The following BSX variants were observed in gnomAD, a reference collection of about 807,000 sequenced individuals.
BSX encodes brain specific homeobox, also known as brain-specific homeobox protein homolog.
Under a neutral mutation model 16.9 loss-of-function variants are expected in BSX, and 12 were observed. That is an observed-to-expected ratio of 0.71 (90% CI 0.46 to 1.15). The LOEUF (loss-of-function observed/expected upper bound fraction) is 1.15. BSX is among the 50% of genes most tolerant of loss of function. BSX has a pLI of 0.00. For synonymous variants in BSX, 160 were observed against 136.4 expected (o/e 1.17, Z -1.20); for missense variants, 292 against 311.8 (o/e 0.94, Z 0.48).
Position 122,981,697 on chromosome 11 carries a change from C to A in BSX, c.-26G>T. On this transcript the variant is annotated 5_prime_UTR_variant, in exon 1 of 3. Coordinates refer to ENST00000343035, the MANE Select transcript of BSX (RefSeq NM_001098169.2). ...CTTGAGCGGAGCACCTGCCACAGGA[C>A]AAGGGCCGGGACGAAGTGGAGGACG... 1 of 1,566,592 alleles carries A rather than the reference C, an allele frequency of 6.4e-7. No individual in the cohort carries two copies. The highest frequency in any genetic ancestry group is 8.6e-7 in the Non-Finnish European group (1 of 1,157,894).
chr11:122,981,692 C>T lies in BSX; in HGVS notation c.-21G>A. The T allele has an allele frequency of 6.4e-7, 1 of 1,572,404 alleles. No homozygotes were observed. The highest frequency in any genetic ancestry group is 8.6e-7 in the Non-Finnish European group (1 of 1,161,112). On this transcript the variant is annotated 5_prime_UTR_variant, in exon 1 of 3. The change creates a new upstream start codon in the 5' untranslated region. Transcript: ENST00000343035. ...TTCATCTTGAGCGGAGCACCTGCCA[C>T]AGGACAAGGGCCGGGACGAAGTGGA...
rs184325976 is a variant in BSX, at chr11:122,980,703, C to T, written c.262+707G>A. 9.8e-5 allele frequency among the ~76,000 whole-genome samples: 15 copies of T among 152,320 alleles called. No individual in the cohort carries two copies. In the East Asian group the frequency reaches 2.5e-3, roughly 25 times the overall value. ...CCCAAACAGACTTTGCTAGCCCTTG[C>T]TTTTTGTCAGACCAGAGAAATCAAA... On this transcript the variant is annotated intron_variant, in intron 1 of 2. Transcript: ENST00000343035.
chr11:122,977,607 G>T lies in BSX; in HGVS notation c.*42C>A, dbSNP rs1451199431. The T allele has an allele frequency of 2.5e-6, 4 of 1,571,324 alleles. No individual in the cohort carries two copies. Among genetic ancestry groups the T allele is most frequent in the South Asian group, 1.2e-5 (1 of 86,766 alleles). ...CCAGGAGGGAACCGCGCTCGGCCCC[G>T]CAGTCTCCTCCCCTGCCTACTACCC... On this transcript the variant is annotated 3_prime_UTR_variant, in exon 3 of 3. Coordinates refer to ENST00000343035, the MANE Select transcript of BSX (RefSeq NM_001098169.2). The surrounding 1 kb of genome is among the most constrained non-coding windows in gnomAD (Gnocchi z 4.5).
At chr11:122,980,195 G>A (rs1295584354) in intron 1 of BSX, among the ~76,000 whole-genome samples, 1 of 152,114 alleles carries the variant, frequency 6.6e-6, no homozygotes, top group Non-Finnish European at 1.5e-5. Flanking sequence ...GGGTTTGAGG[G>A]GTTTTTCCAT....
At position 122,978,804 on chromosome 11, in the gene BSX, T is replaced by C. The variant is rs144811580; in HGVS notation, c.459+457A>G. ...TTTTTCTTTTTCTTTTCTTTTTTTT[T>C]TTTTTTTTTTTTTTTTTTTGAGACG... On this transcript the variant is annotated intron_variant, in intron 2 of 2. Transcript: ENST00000343035. Among the ~76,000 whole-genome samples the C allele has an allele frequency of 2.0e-3, 240 of 121,670 alleles. 4 individuals are homozygous for C. Among genetic ancestry groups the C allele is most frequent in the Middle Eastern group, 4.0e-3 (1 of 250 alleles). 79.8% of individuals were successfully genotyped at this position (121,670 alleles called of 152,430 possible).
chr11:122,978,795 C>CTTTTT (rs35567142), intron 2 of BSX, among the ~76,000 whole-genome samples: 408 of 64,798 alleles, frequency 6.3e-3, no homozygotes, highest in East Asian at 0.014. Context: ...TTTTTCTTTT[C>CTTTTT]TTTTTTTTTT....
At position 122,981,466 on chromosome 11, in the gene BSX, G is replaced by A. The variant is rs1012698643; in HGVS notation, c.206C>T (p.Ala69Val). 3.8e-6 allele frequency: 6 copies of A among 1,574,878 alleles called. No individual in the cohort carries two copies. Among genetic ancestry groups the A allele is most frequent in the Non-Finnish European group, 5.2e-6 (6 of 1,159,674 alleles). Reference sequence around the variant, plus strand: ...GTCTCCCTTATGCAGAGGGTGATGGGCGTGAGGAGCCAAGAGGGTGGGTGT... The same window carrying A: ...GTCTCCCTTATGCAGAGGGTGATGGACGTGAGGAGCCAAGAGGGTGGGTGT... ...MPTPTLLAPH[A>V]HHPLHKGDHH... The change falls in exon 1 of 3, where the codon GCC becomes GTC. Residue 69 changes from alanine (A) to valine (V), a missense_variant. Physicochemically the swap from Ala to Val is moderately conservative, Grantham distance 64. Around this residue, in one of 3 missense-constraint regions of BSX, gnomAD observed 176 missense variants for 187.2 expected, o/e 0.94. Transcript: ENST00000343035.
In BSX at chr11:122,977,842, C is replaced by A. The variant is rs770672530; in HGVS notation, c.509G>T (p.Arg170Leu). 5.6e-6 allele frequency: 9 copies of A among 1,613,936 alleles called. No individual in the cohort carries two copies. In the South Asian group the frequency reaches 7.7e-5, roughly 14 times the overall value. Reference protein sequence around the residue: ...NRRMKHKKQLRKSQDEPKAPD... With the variant: ...NRRMKHKKQLLKSQDEPKAPD... The stretch of plus-strand genomic sequence containing the variant: ...TGCTTTGGGTTCGTCTTGGCTTTTC[C>A]GCAGTTGCTTTTTATGCTTCATCCG... Residue 170 changes from arginine to leucine, a missense_variant, in exon 3 of 3, where the codon CGG (arginine) becomes CTG (leucine). Arg to Leu is a moderately radical substitution (Grantham distance 102). Around this residue, in one of 3 missense-constraint regions of BSX, gnomAD observed 107 missense variants for 97.1 expected, o/e 1.10. Transcript: ENST00000343035. This position sits in a 1 kb window ranked among gnomAD's most constrained non-coding sequence, Gnocchi z 4.5.
Position 122,981,823 on chromosome 11 carries a change from A to C in BSX, c.-152T>G. 4 of 758,586 alleles carry C rather than the reference A, an allele frequency of 5.3e-6. No homozygotes were observed. The highest frequency in any genetic ancestry group is 8.2e-6 in the Non-Finnish European group (4 of 489,610). 47.0% of individuals were successfully genotyped at this position (758,586 alleles called of 1,614,324 possible). ...GCCTGGGCTACCCCGGGCGCTGGAGAGGCAAGAAGACAAGCTCCTGGGTAG... is the reference window on the plus strand; with the variant it reads ...GCCTGGGCTACCCCGGGCGCTGGAGCGGCAAGAAGACAAGCTCCTGGGTAG... On this transcript the variant is annotated 5_prime_UTR_variant, in exon 1 of 3. Coordinates refer to ENST00000343035, the MANE Select transcript of BSX (RefSeq NM_001098169.2).
intron 1 of BSX, among the ~76,000 whole-genome samples, 199 bp downstream of exon 1, chr11:122,981,211 A>T (rs1864564415): frequency 6.6e-6 from 1 of 152,142 alleles, no homozygotes; most frequent in South Asian, 2.1e-4. Flanking sequence ...ATCACGAATT[A>T]TCCCCGTGGG....
rs139868523 is a variant in BSX at position 122,981,763 on chromosome 11, C to A, written c.-92G>T. 1.1e-4 allele frequency: 142 copies of A among 1,321,820 alleles called. No homozygotes were observed. In the East Asian group the frequency reaches 3.2e-3, roughly 30 times the overall value. 81.9% of individuals were successfully genotyped at this position (1,321,820 alleles called of 1,614,324 possible). ...AGCCTGCTCGAAAGCCGGCAACCAC[C>A]CTCCGAGGCTCGAATCTCCGCTGCT... On this transcript the variant is annotated 5_prime_UTR_variant, in exon 1 of 3. Coordinates refer to ENST00000343035, the MANE Select transcript of BSX (RefSeq NM_001098169.2).
intron 2 of BSX, 26 bp downstream of exon 2, chr11:122,979,235 C>A: frequency 6.3e-7 from 1 of 1,594,948 alleles, no homozygotes; most frequent in Non-Finnish European, 8.6e-7. Flanking sequence ...AAGCAGAGAT[C>A]AGGGCCTCCC....
rs368119965 is a variant in BSX, at chr11:122,979,367, G to T, written c.353C>A (p.Ser118Tyr). 5 of 1,614,174 alleles carry T rather than the reference G, an allele frequency of 3.1e-6. No homozygotes were observed. The highest frequency in any genetic ancestry group is 4.2e-6 in the Non-Finnish European group (5 of 1,180,018). Reference sequence around the variant, plus strand: ...CTCCAAGCCCGAGAGCTGCGAGTCAGAGAAAACCGTGCGGGCTTTGCGGCG... The same window carrying T: ...CTCCAAGCCCGAGAGCTGCGAGTCATAGAAAACCGTGCGGGCTTTGCGGCG... Reference protein sequence around the residue: ...CRRRKARTVFSDSQLSGLEKR... With the variant: ...CRRRKARTVFYDSQLSGLEKR... Residue 118 changes from serine (S) to tyrosine (Y), a missense_variant, in exon 2 of 3, where the codon TCT becomes TAT. Coordinates refer to ENST00000343035, the MANE Select transcript of BSX (RefSeq NM_001098169.2).
rs188958165 is a variant in BSX, at chr11:122,981,080, C to A, written c.262+330G>T. On this transcript the variant is annotated intron_variant, in intron 1 of 2. Coordinates refer to ENST00000343035, the MANE Select transcript of BSX (RefSeq NM_001098169.2). ...CGGAGAATCAGGATTGAGAGATGGA[C>A]CAAAGTGGCCAGGAAGATCACGAGC... 4.7e-4 allele frequency among the ~76,000 whole-genome samples: 71 copies of A among 152,224 alleles called. 2 individuals are homozygous for A. In the East Asian group the frequency reaches 0.01, roughly 22 times the overall value.
At position 122,977,849 on chromosome 11, in the gene BSX, G is replaced by C; in HGVS notation, c.502C>G (p.Gln168Glu). Residue 168 changes from glutamine to glutamate, a missense_variant, in exon 3 of 3, where the codon CAA becomes GAA. Coordinates refer to ENST00000343035, the MANE Select transcript of BSX (RefSeq NM_001098169.2). This position sits in a 1 kb window ranked among gnomAD's most constrained non-coding sequence, Gnocchi z 4.5. ...FQNRRMKHKK[Q>E]LRKSQDEPKA... is the part of the protein sequence containing the mutation. ...GGTTCGTCTTGGCTTTTCCGCAGTT[G>C]CTTTTTATGCTTCATCCGCCGGTTC... 1 of 1,613,842 alleles carries C rather than the reference G, an allele frequency of 6.2e-7. No individual in the cohort carries two copies. The highest frequency in any genetic ancestry group is 2.2e-5 in the East Asian group (1 of 44,868).
rs182973874 is a variant in BSX, at chr11:122,978,884, C to T, written c.459+377G>A. The stretch of plus-strand genomic sequence containing the variant: ...GCAGCGGCGCGATCTCGGCTCACTG[C>T]AACCTCCGCCTCCCGGGTTCAAGCG... On this transcript the variant is annotated intron_variant, in intron 2 of 2. Coordinates refer to ENST00000343035, the MANE Select transcript of BSX (RefSeq NM_001098169.2). 4.9e-3 allele frequency among the ~76,000 whole-genome samples: 675 copies of T among 138,908 alleles called. 2 individuals carry two copies. The highest frequency in any genetic ancestry group is 7.9e-3 in the Admixed American group (101 of 12,802). The allele number at this position is 138,908 out of a possible 152,430, so 91.1% of individuals were successfully genotyped here.
intron 1 of BSX, among the ~76,000 whole-genome samples, chr11:122,981,175 T>A (rs1298901873): frequency 6.6e-6 from 1 of 152,110 alleles, no homozygotes; most frequent in African/African-American, 2.4e-5. Flanking sequence ...CAGGCACCTA[T>A]CCTCCGCTAT....
rs1268600726 is a variant in BSX at position 122,979,340 on chromosome 11, T to A, written c.380A>T (p.Lys127Met). 6.2e-7 allele frequency: 1 copy of A among 1,614,152 alleles called. No individual in the cohort carries two copies. The highest frequency in any genetic ancestry group is 1.1e-5 in the South Asian group (1 of 91,084). The change falls in exon 2 of 3, where the codon AAG becomes ATG. Residue 127 changes from lysine (K) to methionine (M), a missense_variant. By Grantham distance (95) the Lys-to-Met change is moderately conservative. This residue lies in a region of BSX where 176 missense variants were observed against 187.2 expected (regional missense o/e 0.94). Transcript: ENST00000343035. ...CAGGTAGCGCTGGATCTCGAACCTC[T>A]TCTCCAAGCCCGAGAGCTGCGAGTC... ...FSDSQLSGLE[K>M]RFEIQRYLST... is the part of the protein sequence containing the mutation.
At chr11:122,979,790 C>T (rs1864546649) in intron 1 of BSX, among the ~76,000 whole-genome samples, 1 of 152,124 alleles carries the variant, frequency 6.6e-6, no homozygotes, top group Non-Finnish European at 1.5e-5. Context: ...TCCGTAGGGT[C>T]GGCCAGCGCG....
Sources: allele counts gnomAD v4.1 joint callset (sites outside exome capture counted in the v4.1 genomes callset), GRCh38; gene constraint gnomAD v4.1.1; regional missense constraint gnomAD v4.1.1; non-coding constraint Gnocchi (gnomAD v3.1); transcripts MANE v1.5; gene names NCBI Gene and HGNC (gene_info 2026-07-23, HGNC 2026-07-21).